ARHGAP6: variants seen among roughly 807,000 people sequenced by gnomAD.
ARHGAP6 encodes rho GTPase-activating protein 6.
In ARHGAP6, 16 loss-of-function variants were observed where a neutral mutation model predicts 55.7. The observed-to-expected ratio is 0.29, with a 90% confidence interval of 0.19 to 0.44. The LOEUF (loss-of-function observed/expected upper bound fraction) is 0.44, where lower values mean the gene tolerates loss of function less well. Ranked by LOEUF, ARHGAP6 falls within the 20% of genes least tolerant of loss-of-function variation. The pLI is 1.00. For synonymous variants in ARHGAP6, 382 were observed against 360.9 expected, an observed-to-expected ratio of 1.06 and a Z score of -0.66; for missense variants, 698 against 808.9, an observed-to-expected ratio of 0.86 and a Z score of 1.66.
intron 9 of ARHGAP6, among the ~76,000 whole-genome samples, chrX:11,158,473 C>A (rs1218129502): frequency 8.9e-6 from 1 of 112,445 alleles, no homozygotes; most frequent in Non-Finnish European, 1.9e-5. Flanking sequence ...ATTACTTAAG[C>A]TAGTTTGAGT....
At chrX:11,642,918 A>G (rs2052489937) in intron 1 of ARHGAP6, among the ~76,000 whole-genome samples, 1 of 111,714 alleles carries the variant, frequency 9.0e-6, no homozygotes, top group Admixed American at 9.5e-5. Context: ...TTTTTAAAAC[A>G]ATAAAGGAAA....
intron 1 of ARHGAP6, among the ~76,000 whole-genome samples, chrX:11,566,143 A>G (rs956606618): frequency 8.9e-6 from 1 of 112,164 alleles, no homozygotes; most frequent in African/African-American, 3.2e-5. Flanking sequence ...GGTGATGCAG[A>G]AAATATGGAC....
chrX:11,396,239 T>C (rs1214305869), intron 1 of ARHGAP6, among the ~76,000 whole-genome samples: 1 of 110,269 alleles, frequency 9.1e-6, no homozygotes, highest in Non-Finnish European at 1.9e-5. Flanking sequence ...ACTTTAAAAT[T>C]TCTTCAGAGT....
In ARHGAP6 at chrX:11,290,614, T is replaced by C. The variant is rs2047978756; in HGVS notation, c.589-35907A>G. ...TTAAGAAGACTCACTGTTGAAATTA[T>C]TCCAGAATATTGGATAACCCTGGGG... On this transcript the variant is annotated intron_variant, in intron 1 of 12. Coordinates refer to ENST00000337414, the MANE Select transcript of ARHGAP6 (RefSeq NM_013427.3). 3 of 242,678 alleles carry C rather than the reference T, an allele frequency of 1.2e-5. No homozygotes were observed. In the South Asian group the frequency reaches 1.4e-4, roughly 11 times the overall value. 20.0% of individuals were successfully genotyped at this position (242,678 alleles called of 1,213,427 possible).
At chrX:11,353,501 T>C (rs1230562212) in intron 1 of ARHGAP6, among the ~76,000 whole-genome samples, 3 of 110,308 alleles carry the variant, frequency 2.7e-5, no homozygotes, top group South Asian at 4.0e-4. Flanking sequence ...TGCTAGGGTG[T>C]CCTTATTTAA....
At chrX:11,372,819 T>C (rs1428899100) in intron 1 of ARHGAP6, among the ~76,000 whole-genome samples, 3 of 103,966 alleles carry the variant, frequency 2.9e-5, no homozygotes, top group African/African-American at 1.1e-4. Flanking sequence ...AACGAAATTA[T>C]TGTTAACTTA....
chrX:11,180,192 C>G (rs963894868), intron 6 of ARHGAP6, among the ~76,000 whole-genome samples: 3 of 111,446 alleles, frequency 2.7e-5, no homozygotes, highest in Non-Finnish European at 5.6e-5. Context: ...TCACTTGCAG[C>G]AGCAAGAAAA....
chrX:11,472,871 C>G (rs1039309317), intron 1 of ARHGAP6, among the ~76,000 whole-genome samples: 6 of 110,642 alleles, frequency 5.4e-5, no homozygotes, highest in Non-Finnish European at 1.1e-4. Context: ...GTCCCATTGT[C>G]TATATTCTGC....
At chrX:11,394,788 G>T (rs1357191003) in intron 1 of ARHGAP6, among the ~76,000 whole-genome samples, 4 of 92,597 alleles carry the variant, frequency 4.3e-5, no homozygotes, top group Non-Finnish European at 8.9e-5. Context: ...TATAGAAACA[G>T]CCCACTGATC....
chrX:11,261,376 G>T (rs771415599), intron 1 of ARHGAP6, among the ~76,000 whole-genome samples: 3 of 111,261 alleles, frequency 2.7e-5, no homozygotes, highest in Non-Finnish European at 5.7e-5. Flanking sequence ...TGATAAACAA[G>T]CACCCAGGAA....
intron 1 of ARHGAP6, among the ~76,000 whole-genome samples, chrX:11,524,469 C>T (rs180971637): frequency 8.9e-6 from 1 of 112,067 alleles, no homozygotes; most frequent in Non-Finnish European, 1.9e-5. Flanking sequence ...CTCCCACAAC[C>T]CCACCCTGGT....
rs778050695 is a variant in ARHGAP6 at position 11,597,571 on chromosome X, A to G, written c.588+66670T>C. 2.6e-3 allele frequency among the ~76,000 whole-genome samples: 297 copies of G among 112,177 alleles called. 3 individuals carry two copies. The highest frequency in any genetic ancestry group is 2.7e-3 in the Non-Finnish European group (143 of 53,273). ...CTTTGAATCCCCATGGGAGAAGCAA[A>G]TATCATTCTGTAAGCCGTAAGGAAT... On this transcript the variant is annotated intron_variant, in intron 1 of 12. Coordinates refer to ENST00000337414, the MANE Select transcript of ARHGAP6 (RefSeq NM_013427.3).
At chrX:11,523,306 T>G (rs993765486) in intron 1 of ARHGAP6, among the ~76,000 whole-genome samples, 27 of 110,808 alleles carry the variant, frequency 2.4e-4, no homozygotes, top group Non-Finnish European at 1.7e-4. Context: ...CTGGAAGCAT[T>G]CCCTTTGAAA....
chrX:11,516,224 C>A (rs1351522924), intron 1 of ARHGAP6, among the ~76,000 whole-genome samples: 1 of 112,349 alleles, frequency 8.9e-6, no homozygotes, highest in Non-Finnish European at 1.9e-5. Flanking sequence ...AATGTTTTCT[C>A]TTTTATTTCT....
intron 1 of ARHGAP6, among the ~76,000 whole-genome samples, chrX:11,387,285 G>C (rs1002307449): frequency 9.0e-6 from 1 of 111,716 alleles, no homozygotes; most frequent in Non-Finnish European, 1.9e-5. Flanking sequence ...CACTGAGCTG[G>C]AATCTCTGGG....
chrX:11,300,811 G>A, intron 1 of ARHGAP6: 1 of 400,936 alleles, frequency 2.5e-6, no homozygotes. Context: ...CATTTGAGAT[G>A]ATATATTATG....
chrX:11,337,661 T>C (rs1569305408), intron 1 of ARHGAP6, among the ~76,000 whole-genome samples: 1 of 112,720 alleles, frequency 8.9e-6, no homozygotes, highest in Non-Finnish European at 1.9e-5. Context: ...AGTAGATGAA[T>C]ACTCAGTCTC....
chrX:11,142,299 G>T lies in ARHGAP6; in HGVS notation c.2191C>A (p.Pro731Thr), dbSNP rs72558047. The T allele has an allele frequency of 2.4e-3, 2,875 of 1,196,419 alleles. 8 individuals carry two copies. The highest frequency in any genetic ancestry group is 3.0e-3 in the Non-Finnish European group (2,663 of 886,230). Residue 731 changes from proline (P) to threonine (T), a missense_variant, in exon 12 of 13, where the codon CCT becomes ACT. Transcript: ENST00000337414. Reference protein sequence around the residue: ...PRLGKDLSEEPFDIWGTWHST... With the variant: ...PRLGKDLSEETFDIWGTWHST... The stretch of plus-strand genomic sequence containing the variant: ...TGCCAAGTTCCCCAGATATCGAAAG[G>T]CTCCTCTGACAGATCTAGGGAAAAA...
chrX:11,179,539 C>A (rs2046283268), intron 6 of ARHGAP6, 87 bp from the exon 7 acceptor site: 1 of 1,078,033 alleles, frequency 9.3e-7, no homozygotes. Context: ...TGACACGTAG[C>A]ATCTGGAATT....
Sources: gnomAD v4.1 joint callset for allele counts (sites outside exome capture counted in the v4.1 genomes callset) on GRCh38, gnomAD v4.1.1 for gene constraint, MANE v1.5 for transcripts, NCBI Gene and HGNC (gene_info 2026-07-23, HGNC 2026-07-21) for gene names.